Variants in GABRA3 observed in about 807,000 individuals in gnomAD.
The protein encoded by GABRA3 is gamma-aminobutyric acid type A receptor subunit alpha3.
Under a neutral mutation model 30.1 loss-of-function variants are expected in GABRA3, and 10 were observed. The observed-to-expected ratio is 0.33, with a 90% CI of 0.20 to 0.56. The LOEUF (loss-of-function observed/expected upper bound fraction) is 0.56. Ranked by LOEUF, GABRA3 falls within the 20% of genes least tolerant of loss-of-function variation. GABRA3 has a pLI of 0.89. For missense variants in GABRA3, 233 were observed against 392.0 expected, an observed-to-expected ratio of 0.59 and a Z score of 3.42; for synonymous variants, 151 against 146.8, an observed-to-expected ratio of 1.03 and a Z score of -0.21.
intron 9 of GABRA3, among the ~76,000 whole-genome samples, chrX:152,177,564 C>A (rs1297756145): frequency 1.2e-5 from 1 of 84,415 alleles, no homozygotes; most frequent in Non-Finnish European, 2.3e-5. Context: ...CACTGTTTTT[C>A]TGAAAAAAAA....
chrX:152,362,491 A>C (rs910548995), intron 2 of GABRA3, among the ~76,000 whole-genome samples: 4 of 111,555 alleles, frequency 3.6e-5, no homozygotes, highest in African/African-American at 9.8e-5. Flanking sequence ...CATGTTAAAG[A>C]GTTTGTACCT....
intron 3 of GABRA3, among the ~76,000 whole-genome samples, chrX:152,295,354 G>A (rs780081857): frequency 2.3e-4 from 26 of 112,903 alleles, no homozygotes; most frequent in Non-Finnish European, 5.6e-5. Context: ...GCTCCACCCA[G>A]TTCAAGCTTC....
chrX:152,224,730 A>C lies in GABRA3; in HGVS notation c.634+33T>G, dbSNP rs755017403. The C allele has an allele frequency of 6.8e-6, 7 of 1,032,023 alleles. No individual in the cohort carries two copies. The Admixed American group carries it at 1.8e-4, about 27-fold the overall frequency. 85.1% of individuals were successfully genotyped at this position (1,032,023 alleles called of 1,213,427 possible). On this transcript the variant is annotated intron_variant, in intron 6 of 9. Coordinates refer to ENST00000370314, the MANE Select transcript of GABRA3 (RefSeq NM_000808.4). Reference sequence around the variant, plus strand: ...TTTCTTTTGGAAGATCAGGCAAAAAAAAAAGACAGAGAGAGAGAGAGAAAA... The same window carrying C: ...TTTCTTTTGGAAGATCAGGCAAAAACAAAAGACAGAGAGAGAGAGAGAAAA...
chrX:152,403,555 TGTGTATGTGCACAC>T (rs1279543449), intron 1 of GABRA3, among the ~76,000 whole-genome samples: 3 of 66,011 alleles, frequency 4.5e-5, no homozygotes, highest in South Asian at 2.0e-3. Flanking sequence ...TGCACACGTG[TGTGTATGTGCACAC>T]GTGTGTGTGT....
At chrX:152,410,492 A>G (rs1164419470) in intron 1 of GABRA3, among the ~76,000 whole-genome samples, 2 of 111,806 alleles carry the variant, frequency 1.8e-5, no homozygotes, top group African/African-American at 6.5e-5. Flanking sequence ...ATAAATATGT[A>G]TAACTATCAT....
At chrX:152,191,813 G>C (rs1019504741) in intron 8 of GABRA3, among the ~76,000 whole-genome samples, 1 of 111,190 alleles carries the variant, frequency 9.0e-6, no homozygotes, top group African/African-American at 3.3e-5. Flanking sequence ...GCACCAACTA[G>C]GCAGGGAGTC....
chrX:152,185,344 T>A (rs1033204337), intron 9 of GABRA3, among the ~76,000 whole-genome samples: 2 of 111,621 alleles, frequency 1.8e-5, no homozygotes, highest in Non-Finnish European at 3.8e-5. Context: ...AAGACTGAGA[T>A]CACTATCTTT....
intron 6 of GABRA3, among the ~76,000 whole-genome samples, chrX:152,214,842 T>A (rs752472115): frequency 3.6e-5 from 4 of 110,113 alleles, no homozygotes; most frequent in African/African-American, 1.3e-4. Flanking sequence ...CTATTGTAAA[T>A]GGAATCACTT....
intron 5 of GABRA3, among the ~76,000 whole-genome samples, chrX:152,238,546 T>C (rs1489422337): frequency 1.9e-5 from 2 of 108,040 alleles, no homozygotes; most frequent in Admixed American, 2.0e-4. Context: ...TTCTATTGAT[T>C]GGAATAGTTT....
rs1268583009 is a variant in GABRA3, at chrX:152,167,471, A to T, written c.*757T>A. The T allele has an allele frequency of 8.9e-6, 1 of 112,298 alleles. No individual in the cohort carries two copies. The highest frequency in any genetic ancestry group is 1.9e-5 in the Non-Finnish European group (1 of 53,287). 9.3% of individuals were successfully genotyped at this position (112,298 alleles called of 1,213,427 possible). ...AGGTGGTAATGAGTCCAAATTAAGT[A>T]GTGCTCAGTTGGCTACAAGGGTGCC... On this transcript the variant is annotated 3_prime_UTR_variant, in exon 10 of 10. Transcript: ENST00000370314.
At chrX:152,186,918 A>G (rs1292119225) in intron 9 of GABRA3, 1 of 110,026 alleles carries the variant, frequency 9.1e-6, no homozygotes, top group Non-Finnish European at 1.9e-5. Flanking sequence ...TCAAGGAGGT[A>G]TAATTTTTTA....
chrX:152,175,253 T>G lies in GABRA3; in HGVS notation c.1144-6690A>C, dbSNP rs182374015. Among the ~76,000 whole-genome samples the G allele has an allele frequency of 3.5e-3, 390 of 110,194 alleles. 1 individual carries two copies. Among genetic ancestry groups the G allele is most frequent in the African/African-American group, 0.012 (356 of 30,176 alleles). Reference sequence around the variant, plus strand: ...ACCAATCCATCAATAGCAATGGATTTTTTTTTTTTTTCGGAGAGAAATAGA... The same window carrying G: ...ACCAATCCATCAATAGCAATGGATTGTTTTTTTTTTTCGGAGAGAAATAGA... On this transcript the variant is annotated intron_variant, in intron 9 of 9. Coordinates refer to ENST00000370314, the MANE Select transcript of GABRA3 (RefSeq NM_000808.4).
At chrX:152,198,201 C>G (rs746483175) in intron 7 of GABRA3, among the ~76,000 whole-genome samples, 13 of 112,094 alleles carry the variant, frequency 1.2e-4, no homozygotes, top group South Asian at 1.1e-3. Context: ...GAAACTGAGG[C>G]AAGGAGAGAT....
At chrX:152,409,651 C>T (rs1413332283) in intron 1 of GABRA3, among the ~76,000 whole-genome samples, 1 of 110,995 alleles carries the variant, frequency 9.0e-6, no homozygotes, top group African/African-American at 3.3e-5. Context: ...ATACAAGGAG[C>T]CCAAACAACT....
At chrX:152,171,628 A>G (rs961251943) in intron 9 of GABRA3, among the ~76,000 whole-genome samples, 26 of 111,638 alleles carry the variant, frequency 2.3e-4, no homozygotes, top group Admixed American at 9.6e-4. Flanking sequence ...CTCTTAGGCA[A>G]ATGATGGATG....
intron 6 of GABRA3, among the ~76,000 whole-genome samples, chrX:152,219,083 G>A (rs1250340443): frequency 1.8e-5 from 2 of 110,853 alleles, no homozygotes; most frequent in South Asian, 3.8e-4. Context: ...ACCTGTCTTC[G>A]CCTTCACGTT....
intron 1 of GABRA3, among the ~76,000 whole-genome samples, chrX:152,415,532 G>A (rs1259611545): frequency 9.0e-6 from 1 of 110,944 alleles, no homozygotes; most frequent in Non-Finnish European, 1.9e-5. Context: ...TCTTTATCTT[G>A]ATTGTGATGG....
intron 4 of GABRA3, among the ~76,000 whole-genome samples, chrX:152,265,089 CCAGA>C (rs898158283): frequency 1.8e-5 from 2 of 110,986 alleles, no homozygotes; most frequent in African/African-American, 6.5e-5. Context: ...GACAGATAGT[CCAGA>C]CAGACAATCA....
intron 4 of GABRA3, among the ~76,000 whole-genome samples, chrX:152,280,335 G>C (rs1216801191): frequency 1.8e-5 from 2 of 111,261 alleles, no homozygotes; most frequent in African/African-American, 3.3e-5. Context: ...AGAATAAATT[G>C]ACAGCCTAAA....
Sources: allele counts gnomAD v4.1 joint callset (sites outside exome capture counted in the v4.1 genomes callset), GRCh38; gene constraint gnomAD v4.1.1; transcripts MANE v1.5; gene names NCBI Gene and HGNC (gene_info 2026-07-23, HGNC 2026-07-21).